The following GPC5 variants were observed in gnomAD, a reference collection of about 807,000 sequenced individuals.
The protein encoded by GPC5 is glypican-5.
GPC5 carries 47 observed loss-of-function variants against 53.9 expected under a neutral mutation model. The ratio of observed to expected loss-of-function variants is 0.87; its 90% CI spans 0.69 to 1.11. The LOEUF (loss-of-function observed/expected upper bound fraction) is 1.11, where lower values mean the gene tolerates loss of function less well. Among genes scored for constraint, GPC5 ranks in the 50% most tolerant of loss-of-function variants. The pLI, the probability that GPC5 is intolerant of heterozygous loss-of-function variation, is 0.00. For synonymous variants in GPC5, 286 were observed against 263.3 expected (o/e 1.09, Z -0.84); for missense variants, 748 against 713.1 (o/e 1.05, Z -0.56).
intron 7 of GPC5, among the ~76,000 whole-genome samples, chr13:92,156,858 A>G (rs72635501): frequency 0.12 from 18,137 of 152,004 alleles, 1,480 homozygotes; most frequent in Admixed American, 0.17. Flanking sequence ...GTAATTATAT[A>G]GAATTACTAT....
intron 5 of GPC5, among the ~76,000 whole-genome samples, chr13:91,874,511 T>C (rs1327930039): frequency 6.6e-6 from 1 of 152,204 alleles, no homozygotes; most frequent in African/African-American, 2.4e-5. Flanking sequence ...CCTACCAAAA[T>C]AGTGCTGTGA....
chr13:91,556,998 AGCT>A (rs940129361), intron 2 of GPC5, among the ~76,000 whole-genome samples: 10 of 152,170 alleles, frequency 6.6e-5, no homozygotes, highest in Middle Eastern at 3.4e-3. Context: ...CAAAAAAGAA[AGCT>A]GCTATGATCG....
chr13:92,391,060 T>C (rs1265841651), intron 7 of GPC5, among the ~76,000 whole-genome samples: 2 of 152,176 alleles, frequency 1.3e-5, no homozygotes, highest in African/African-American at 4.8e-5. Flanking sequence ...TTTTTTGACT[T>C]TTTAATTTGC....
chr13:91,723,559 C>G (rs1467649274), intron 3 of GPC5, among the ~76,000 whole-genome samples: 1 of 151,788 alleles, frequency 6.6e-6, no homozygotes, highest in African/African-American at 2.4e-5. Flanking sequence ...TTTAATCATC[C>G]CGATTACTAG....
intron 2 of GPC5, among the ~76,000 whole-genome samples, chr13:91,609,916 A>G (rs1283045489): frequency 6.6e-6 from 1 of 152,180 alleles, no homozygotes; most frequent in Admixed American, 6.5e-5. Context: ...GGGGGAAGAC[A>G]TGGATTGGCC....
intron 6 of GPC5, among the ~76,000 whole-genome samples, chr13:92,045,738 G>A (rs922902387): frequency 2.6e-5 from 4 of 152,128 alleles, no homozygotes; most frequent in Non-Finnish European, 5.9e-5. Flanking sequence ...GAGGGGCCAG[G>A]AAGTGATACA....
At chr13:92,351,214 AAAAT>A (rs2043474472) in intron 7 of GPC5, among the ~76,000 whole-genome samples, 1 of 151,954 alleles carries the variant, frequency 6.6e-6, no homozygotes, top group African/African-American at 2.4e-5. Context: ...GAAAAGACAA[AAAAT>A]AAATAACAAA....
At chr13:92,124,248 G>GAAACAAAAAA (rs2041675483) in intron 6 of GPC5, among the ~76,000 whole-genome samples, 1 of 54,984 alleles carries the variant, frequency 1.8e-5, no homozygotes, top group Non-Finnish European at 3.3e-5. Context: ...CGGACAGAAT[G>GAAACAAAAAA]AAAAAAAAAA....
At chr13:92,383,215 T>C (rs1005142881) in intron 7 of GPC5, among the ~76,000 whole-genome samples, 2 of 152,170 alleles carry the variant, frequency 1.3e-5, no homozygotes, top group Non-Finnish European at 2.9e-5. Flanking sequence ...TATTTTTTAA[T>C]GTAAAAGATG....
intron 6 of GPC5, among the ~76,000 whole-genome samples, chr13:92,004,986 T>C (rs1432369336): frequency 1.3e-5 from 2 of 152,096 alleles, no homozygotes; most frequent in East Asian, 3.9e-4. Context: ...GCTGATTAGA[T>C]TTTGCCACCC....
Position 91,717,738 on chromosome 13 carries a change from G to A in GPC5, c.1021-10794G>A, listed in dbSNP as rs554596140. Among the ~76,000 whole-genome samples the A allele has an allele frequency of 4.6e-5, 7 of 152,088 alleles. No individual in the cohort carries two copies. In the South Asian group the frequency reaches 1.5e-3, roughly 32 times the overall value. ...TGCCCGGCTAATTTTTGTATTTTTA[G>A]TAGAGATGGGGTTTCACCATATTGG... On this transcript the variant is annotated intron_variant, in intron 3 of 7. Transcript: ENST00000377067.
chr13:92,766,829 A>G (rs985667757), intron 7 of GPC5, among the ~76,000 whole-genome samples: 27 of 152,336 alleles, frequency 1.8e-4, no homozygotes, highest in African/African-American at 5.8e-4. Context: ...TTCTTTATAC[A>G]TTCATTAGGG....
intron 6 of GPC5, among the ~76,000 whole-genome samples, chr13:91,978,029 T>C (rs577524695): frequency 6.6e-6 from 1 of 151,992 alleles, no homozygotes; most frequent in South Asian, 2.1e-4. Context: ...GGTGTACACT[T>C]GTAGTCCCAG....
At chr13:91,409,760 G>T (rs1201990096) in intron 1 of GPC5, among the ~76,000 whole-genome samples, 1 of 151,880 alleles carries the variant, frequency 6.6e-6, no homozygotes, top group Non-Finnish European at 1.5e-5. Flanking sequence ...TTGTTACTTG[G>T]GTTTATTGTG....
chr13:92,671,136 A>AGTT (rs371921719), intron 7 of GPC5, among the ~76,000 whole-genome samples: 24,152 of 152,168 alleles, frequency 0.16, 2,176 homozygotes, highest in Non-Finnish European at 0.21. Context: ...TAGAAATCTC[A>AGTT]GAGCTTCCCT....
rs150173134 is a variant in GPC5, at chr13:91,554,215, G to T, written c.325+105293G>T. On this transcript the variant is annotated intron_variant, in intron 2 of 7. Coordinates refer to ENST00000377067, the MANE Select transcript of GPC5 (RefSeq NM_004466.6). ...CCAAGTTTGTTTACCTGTCAGGCTA[G>T]GAAACATGCACATAAAGGTGAATAT... is the stretch of plus-strand genomic sequence containing the variant. Among the ~76,000 whole-genome samples the T allele has an allele frequency of 7.9e-5, 12 of 151,888 alleles. No homozygotes were observed. In the East Asian group the frequency reaches 2.1e-3, roughly 27 times the overall value.
intron 7 of GPC5, among the ~76,000 whole-genome samples, chr13:92,297,945 C>T (rs974794878): frequency 3.3e-5 from 5 of 152,094 alleles, no homozygotes; most frequent in Non-Finnish European, 7.4e-5. Context: ...GAGGAACGAA[C>T]AACTCCAGAT....
chr13:91,597,416 T>C (rs143300783), intron 2 of GPC5, among the ~76,000 whole-genome samples: 61 of 152,314 alleles, frequency 4.0e-4, no homozygotes, highest in African/African-American at 1.3e-3. Flanking sequence ...ATGAATATTT[T>C]TCTTTATATG....
At chr13:91,890,272 A>G (rs2039370717) in intron 5 of GPC5, among the ~76,000 whole-genome samples, 1 of 152,100 alleles carries the variant, frequency 6.6e-6, no homozygotes, top group South Asian at 2.1e-4. Flanking sequence ...TTCCCCCTTC[A>G]TGGCCTTCTC....
Sources: gnomAD v4.1 joint callset for allele counts (sites outside exome capture counted in the v4.1 genomes callset) on GRCh38, gnomAD v4.1.1 for gene constraint, MANE v1.5 for transcripts, NCBI Gene and HGNC (gene_info 2026-07-23, HGNC 2026-07-21) for gene names.